PAPOLA: variants seen among roughly 807,000 people sequenced by gnomAD.
PAPOLA encodes the protein polynucleotide adenylyltransferase alpha.
Under a neutral mutation model 100.6 loss-of-function variants are expected in PAPOLA, and 15 were observed. The ratio of observed to expected loss-of-function variants is 0.15; its 90% confidence interval spans 0.10 to 0.23. The LOEUF (loss-of-function observed/expected upper bound fraction) is 0.23. PAPOLA is among the 10% of genes least tolerant of loss of function. PAPOLA has a pLI of 1.00. For missense variants in PAPOLA, 533 were observed against 884.2 expected (o/e 0.60, Z 5.04); for synonymous variants, 293 against 300.0 (o/e 0.98, Z 0.24).
chr14:96,558,492 T>C (rs1901545629), intron 19 of PAPOLA, among the ~76,000 whole-genome samples: 1 of 152,216 alleles, frequency 6.6e-6, no homozygotes, highest in Non-Finnish European at 1.5e-5. Flanking sequence ...TATTTTGCAA[T>C]TTTGTTTGCA....
Position 96,566,482 on chromosome 14 carries a change from C to T in PAPOLA, c.*1432C>T, listed in dbSNP as rs1046486029. The T allele has an allele frequency of 1.3e-5, 2 of 152,536 alleles. No individual in the cohort carries two copies. Among genetic ancestry groups the T allele is most frequent in the African/African-American group, 2.4e-5 (1 of 41,432 alleles). The allele number at this position is 152,536 out of a possible 1,614,324, so 9.4% of individuals were successfully genotyped here. ...CTGATGAGCATGTTTTATGAATCCT[C>T]CATTGTGCTCCATTCTATCACATGT... On this transcript the variant is annotated 3_prime_UTR_variant, in exon 22 of 22. Coordinates refer to ENST00000216277, the MANE Select transcript of PAPOLA (RefSeq NM_032632.5).
rs13329049 is a variant in PAPOLA, at chr14:96,557,823, G to T, written c.2004+1410G>T. On this transcript the variant is annotated intron_variant, in intron 19 of 21. Coordinates refer to ENST00000216277, the MANE Select transcript of PAPOLA (RefSeq NM_032632.5). The stretch of plus-strand genomic sequence containing the variant: ...TTTTGTCACTCTTAAGATGGTAAAT[G>T]AGAATGAAAAACGGGTATTGTATAG... Among the ~76,000 whole-genome samples the T allele has an allele frequency of 9.0e-3, 1,353 of 150,634 alleles. 27 individuals carry two copies. The highest frequency in any genetic ancestry group is 0.031 in the African/African-American group (1,276 of 41,054).
At chr14:96,532,853 A>C in intron 9 of PAPOLA, 1 of 1,295,208 alleles carries the variant, frequency 7.7e-7, no homozygotes, top group Non-Finnish European at 9.8e-7. Flanking sequence ...AGTAAGGCAG[A>C]TTCTATTTGT....
chr14:96,503,570 A>G (rs1210493131), intron 1 of PAPOLA, among the ~76,000 whole-genome samples: 1 of 151,172 alleles, frequency 6.6e-6, no homozygotes, highest in Non-Finnish European at 1.5e-5. Flanking sequence ...GTGAGACTGC[A>G]TTTCTTCCAT....
chr14:96,507,877 TG>T (rs1896840450), intron 1 of PAPOLA, among the ~76,000 whole-genome samples: 1 of 152,116 alleles, frequency 6.6e-6, no homozygotes, highest in African/African-American at 2.4e-5. Flanking sequence ...GGTGTTTTTT[TG>T]TTTTTCGTTT....
chr14:96,539,992 T>G (rs1899852153), intron 12 of PAPOLA, among the ~76,000 whole-genome samples: 1 of 152,218 alleles, frequency 6.6e-6, no homozygotes, highest in South Asian at 2.1e-4. Context: ...GCATAAATAC[T>G]TGTTAGAATT....
At chr14:96,523,280 A>G (rs375935725) in intron 3 of PAPOLA, among the ~76,000 whole-genome samples, 111 of 152,360 alleles carry the variant, frequency 7.3e-4, no homozygotes, top group South Asian at 2.5e-3. Context: ...AAACATACTA[A>G]TATCTAAAAA....
intron 2 of PAPOLA, 39 bp from the exon 3 acceptor site, chr14:96,520,967 T>C (rs1221842676): frequency 3.3e-6 from 3 of 918,508 alleles, no homozygotes; most frequent in African/African-American, 1.6e-5. Flanking sequence ...TAATCAGTAA[T>C]GATCTGGAAT....
chr14:96,507,831 T>C (rs1896837363), intron 1 of PAPOLA, among the ~76,000 whole-genome samples: 1 of 152,136 alleles, frequency 6.6e-6, no homozygotes, highest in Non-Finnish European at 1.5e-5. Context: ...AAGTAGACTT[T>C]TCAGTGGTGG....
intron 3 of PAPOLA, among the ~76,000 whole-genome samples, chr14:96,523,537 A>G (rs1418142400): frequency 6.6e-6 from 1 of 152,230 alleles, no homozygotes; most frequent in African/African-American, 2.4e-5. Context: ...CCTCCTTTGT[A>G]GGCTACTTGT....
chr14:96,533,605 A>C (rs1899251116), intron 9 of PAPOLA: 8 of 773,118 alleles, frequency 1.0e-5, no homozygotes, highest in Non-Finnish European at 1.2e-5. Flanking sequence ...CCCAGGCTGG[A>C]GTGCAGTGGC....
chr14:96,506,734 T>C (rs1896740992), intron 1 of PAPOLA, among the ~76,000 whole-genome samples: 1 of 152,256 alleles, frequency 6.6e-6, no homozygotes, highest in Non-Finnish European at 1.5e-5. Flanking sequence ...GGTAGACCTG[T>C]ATAATTCAGT....
intron 1 of PAPOLA, among the ~76,000 whole-genome samples, chr14:96,509,479 G>T (rs1476561439): frequency 1.3e-5 from 2 of 152,298 alleles, no homozygotes; most frequent in African/African-American, 4.8e-5. Context: ...TATACTTGTA[G>T]TATACACAGA....
At chr14:96,563,962 G>T (rs1191219860) in intron 21 of PAPOLA, among the ~76,000 whole-genome samples, 1 of 151,804 alleles carries the variant, frequency 6.6e-6, no homozygotes, top group Non-Finnish European at 1.5e-5. Context: ...GTACCCATGG[G>T]TATTTGCCTT....
At chr14:96,549,015 C>T (rs1366777115) in intron 16 of PAPOLA, among the ~76,000 whole-genome samples, 1 of 152,098 alleles carries the variant, frequency 6.6e-6, no homozygotes, top group African/African-American at 2.4e-5. Context: ...TGATTTGTCT[C>T]ATCCCTAAAA....
intron 15 of PAPOLA, among the ~76,000 whole-genome samples, chr14:96,544,605 T>C (rs887196506): frequency 6.6e-6 from 1 of 152,076 alleles, no homozygotes; most frequent in Non-Finnish European, 1.5e-5. Flanking sequence ...GCAGTTTCAG[T>C]GTCAGATTTT....
At chr14:96,542,114 T>G in intron 12 of PAPOLA, 129 bp from the exon 13 acceptor site, 2 of 526,898 alleles carry the variant, frequency 3.8e-6, no homozygotes, top group East Asian at 3.1e-5. Flanking sequence ...ATGTGCATAT[T>G]GAGATTGTAG....
chr14:96,531,304 A>ATT (rs112942835), intron 6 of PAPOLA, among the ~76,000 whole-genome samples, 171 bp from the exon 7 acceptor site: 1 of 150,748 alleles, frequency 6.6e-6, no homozygotes, highest in Non-Finnish European at 1.5e-5. Context: ...CCAGACCTGT[A>ATT]TTTTTTTTAT....
Position 96,565,528 on chromosome 14 carries a change from C to A in PAPOLA, c.*478C>A, listed in dbSNP as rs1188844359. ...TTACCATTAGTCTTCAAATTGGATA[C>A]TGTTGTGCAGTGGTGTACTGTTATA... On this transcript the variant is annotated 3_prime_UTR_variant, in exon 22 of 22. Transcript: ENST00000216277. 4.9e-6 allele frequency: 2 copies of A among 410,398 alleles called. No individual in the cohort carries two copies. Among genetic ancestry groups the A allele is most frequent in the Non-Finnish European group, 8.6e-6 (2 of 231,752 alleles). The allele number at this position is 410,398 out of a possible 1,614,324, so 25.4% of individuals were successfully genotyped here. A position where few individuals can be genotyped will look rare whatever the true frequency, so the allele number is the denominator to read the frequency against.
Sources: gnomAD v4.1 joint callset for allele counts (sites outside exome capture counted in the v4.1 genomes callset) on GRCh38, gnomAD v4.1.1 for gene constraint, MANE v1.5 for transcripts, NCBI Gene and HGNC (gene_info 2026-07-23, HGNC 2026-07-21) for gene names.